INPP5A: variants seen among roughly 807,000 people sequenced by gnomAD.
INPP5A encodes the protein 43 kDa inositol polyphosphate 5-phophatase.
INPP5A carries 14 observed loss-of-function variants against 65.2 expected under a neutral mutation model. The observed-to-expected ratio is 0.21, with a 90% confidence interval of 0.14 to 0.34. INPP5A has a LOEUF of 0.34. Among genes scored for constraint, INPP5A ranks in the 10% least tolerant of loss-of-function variants. The pLI, the probability that INPP5A is intolerant of heterozygous loss-of-function variation, is 1.00. For missense variants in INPP5A, 431 were observed against 545.6 expected (o/e 0.79, Z 2.09); for synonymous variants, 207 against 208.3 (o/e 0.99, Z 0.05).
rs1845541614 is a variant in INPP5A, at chr10:132,706,647, G to A, written c.475-1666G>A. ...GCTTGGAATTTCCCTTCTTGAGCAT[G>A]AGTGGGAGCACTTAGGGAGGGGGCA... On this transcript the variant is annotated intron_variant, in intron 6 of 15. Coordinates refer to ENST00000368594, the MANE Select transcript of INPP5A (RefSeq NM_005539.5). The surrounding 1 kb of genome is among the most constrained non-coding windows in gnomAD (Gnocchi z 4.7). 3.3e-5 allele frequency among the ~76,000 whole-genome samples: 5 copies of A among 152,326 alleles called. No individual in the cohort carries two copies. In the South Asian group the frequency reaches 1.0e-3, roughly 32 times the overall value.
Position 132,650,630 on chromosome 10 carries a change from C to T in INPP5A, c.306+125C>T. The T allele has an allele frequency of 4.3e-6, 3 of 691,314 alleles. No homozygotes were observed. The highest frequency in any genetic ancestry group is 2.7e-5 in the East Asian group (1 of 37,516). 42.8% of individuals were successfully genotyped at this position (691,314 alleles called of 1,614,324 possible). ...TGCCTGAAGCCTCACTCACGCTGCC[C>T]TGCCTGGCACTCCCGCAGCCTGCTT... On this transcript the variant is annotated intron_variant, in intron 4 of 15. Transcript: ENST00000368594. This position sits in a 1 kb window ranked among gnomAD's most constrained non-coding sequence, Gnocchi z 5.5.
intron 8 of INPP5A, among the ~76,000 whole-genome samples, chr10:132,713,368 C>T (rs1234202745): frequency 6.6e-6 from 1 of 152,044 alleles, no homozygotes; most frequent in African/African-American, 2.4e-5. Flanking sequence ...GATGGGGCCC[C>T]TCCTGAATGC....
chr10:132,761,638 A>G (rs1846735021), intron 11 of INPP5A, among the ~76,000 whole-genome samples: 1 of 152,018 alleles, frequency 6.6e-6, no homozygotes, highest in Non-Finnish European at 1.5e-5. Flanking sequence ...ATAAACAGTC[A>G]CCCTGGGTGA....
intron 2 of INPP5A, among the ~76,000 whole-genome samples, chr10:132,609,363 A>T (rs1009956210): frequency 6.6e-6 from 1 of 152,156 alleles, no homozygotes; most frequent in African/African-American, 2.4e-5. Context: ...TCTGTCCTTT[A>T]TGTCAACCGC....
chr10:132,578,584 G>A (rs1265643832), intron 1 of INPP5A, among the ~76,000 whole-genome samples: 5 of 151,450 alleles, frequency 3.3e-5, no homozygotes, highest in Non-Finnish European at 7.4e-5. Context: ...GAGAGTGTGC[G>A]GGGGCTGGAG....
At chr10:132,685,664 C>A (rs902758717) in intron 4 of INPP5A, among the ~76,000 whole-genome samples, 4 of 152,230 alleles carry the variant, frequency 2.6e-5, no homozygotes, top group Admixed American at 6.5e-5. Flanking sequence ...CAGCCTCTGC[C>A]CCGGCCTGAG....
chr10:132,756,203 GT>G (rs1565002402), intron 11 of INPP5A, among the ~76,000 whole-genome samples: 1 of 152,112 alleles, frequency 6.6e-6, no homozygotes, highest in South Asian at 2.1e-4. Flanking sequence ...ATGTGTGTGC[GT>G]GTACATGTGT....
chr10:132,621,588 C>G (rs1039535263), intron 2 of INPP5A, among the ~76,000 whole-genome samples: 7 of 152,094 alleles, frequency 4.6e-5, no homozygotes, highest in Non-Finnish European at 1.0e-4. Flanking sequence ...TAGCCTTTTA[C>G]TGAATACACA....
intron 1 of INPP5A, among the ~76,000 whole-genome samples, chr10:132,581,998 C>T (rs1004715049): frequency 2.0e-5 from 3 of 152,082 alleles, no homozygotes; most frequent in Admixed American, 1.3e-4. Flanking sequence ...TCACCATGCC[C>T]AGCTAATTTT....
chr10:132,684,422 ATGTT>A (rs374337636), intron 4 of INPP5A, among the ~76,000 whole-genome samples: 315 of 152,198 alleles, frequency 2.1e-3, no homozygotes, highest in African/African-American at 6.9e-3. Context: ...TTACATATGT[ATGTT>A]TGTCTATAGT....
intron 9 of INPP5A, among the ~76,000 whole-genome samples, chr10:132,734,379 G>A (rs554419180): frequency 5.3e-5 from 8 of 152,312 alleles, no homozygotes; most frequent in African/African-American, 1.2e-4. Flanking sequence ...TTCATTTTTC[G>A]CACTGTGGTC....
At chr10:132,636,069 C>T (rs1259517413) in intron 2 of INPP5A, among the ~76,000 whole-genome samples, 1 of 150,502 alleles carries the variant, frequency 6.6e-6, no homozygotes. Flanking sequence ...CTTGAAATCA[C>T]ATAGGTTTCT....
At chr10:132,760,348 G>GC (rs1196513664) in intron 11 of INPP5A, among the ~76,000 whole-genome samples, 1 of 152,256 alleles carries the variant, frequency 6.6e-6, no homozygotes, top group Non-Finnish European at 1.5e-5. Context: ...CGGACGCTGT[G>GC]CCGCACGCCT....
intron 2 of INPP5A, among the ~76,000 whole-genome samples, chr10:132,625,798 C>G (rs1372125072): frequency 6.6e-6 from 1 of 151,880 alleles, no homozygotes; most frequent in Admixed American, 6.6e-5. Context: ...CCCAACTTCC[C>G]ACTCACCTGA....
At chr10:132,653,462 A>T (rs892291352) in intron 4 of INPP5A, among the ~76,000 whole-genome samples, 2 of 152,054 alleles carry the variant, frequency 1.3e-5, no homozygotes, top group African/African-American at 4.8e-5. Context: ...AGGCCGTGCC[A>T]GGCCTGTACG....
chr10:132,658,372 T>C (rs1480974224), intron 4 of INPP5A, among the ~76,000 whole-genome samples: 3 of 152,204 alleles, frequency 2.0e-5, no homozygotes, highest in Admixed American at 1.3e-4. Context: ...CCCTTATTGA[T>C]GGATTGATGT....
chr10:132,671,899 C>T (rs866607000), intron 4 of INPP5A, among the ~76,000 whole-genome samples: 2 of 152,190 alleles, frequency 1.3e-5, no homozygotes, highest in African/African-American at 2.4e-5. Flanking sequence ...CTGCTCTGCT[C>T]TCAGAAGGGG....
At chr10:132,687,970 C>T (rs1210909950) in intron 4 of INPP5A, among the ~76,000 whole-genome samples, 1 of 152,204 alleles carries the variant, frequency 6.6e-6, no homozygotes, top group Non-Finnish European at 1.5e-5. Context: ...CTGTGTCATC[C>T]CCAAGGTGAA....
intron 4 of INPP5A, among the ~76,000 whole-genome samples, chr10:132,680,550 C>T (rs1456642978): frequency 6.6e-6 from 1 of 152,278 alleles, no homozygotes; most frequent in African/African-American, 2.4e-5. Flanking sequence ...CCTGGGCTCC[C>T]ACTTTGGCGG....
Sources: allele counts gnomAD v4.1 joint callset (sites outside exome capture counted in the v4.1 genomes callset), GRCh38; gene constraint gnomAD v4.1.1; non-coding constraint Gnocchi (gnomAD v3.1); transcripts MANE v1.5; gene names NCBI Gene and HGNC (gene_info 2026-07-23, HGNC 2026-07-21).